The following BCL2L14 variants were observed in gnomAD, a reference collection of about 807,000 sequenced individuals.
BCL2L14 encodes BCL2 like 14.
Under a neutral mutation model 35.3 loss-of-function variants are expected in BCL2L14, and 27 were observed. That is an observed-to-expected ratio of 0.76 (90% CI 0.56 to 1.05). The LOEUF (loss-of-function observed/expected upper bound fraction) is 1.05. Ranked by LOEUF, BCL2L14 falls within the 50% of genes least tolerant of loss-of-function variation. BCL2L14 has a pLI of 0.00. For missense variants in BCL2L14, 377 were observed against 382.6 expected, an observed-to-expected ratio of 0.99 and a Z score of 0.12; for synonymous variants, 139 against 145.9, an observed-to-expected ratio of 0.95 and a Z score of 0.34.
At position 12,099,615 on chromosome 12, in the gene BCL2L14, C is replaced by T. The variant is rs1271837172; in HGVS notation, c.*627C>T. The T allele has an allele frequency of 6.6e-6, 1 of 152,234 alleles. No individual in the cohort carries two copies. Among genetic ancestry groups the T allele is most frequent in the African/African-American group, 2.4e-5 (1 of 41,450 alleles). The allele number at this position is 152,234 out of a possible 1,614,324, so 9.4% of individuals were successfully genotyped here. A position where few individuals can be genotyped will look rare whatever the true frequency, so the allele number is the denominator to read the frequency against. ...GGACCACACCTCTTCTTCCCAAGGT[C>T]CCTGGGACTTCCTCATTCTTTGTGG... On this transcript the variant is annotated 3_prime_UTR_variant, in exon 6 of 6. Coordinates refer to ENST00000308721, the MANE Select transcript of BCL2L14 (RefSeq NM_138723.2).
intron 4 of BCL2L14, among the ~76,000 whole-genome samples, chr12:12,092,301 T>C (rs1949206083): frequency 6.6e-6 from 1 of 152,256 alleles, no homozygotes; most frequent in Admixed American, 6.5e-5. Context: ...TCACTTTGCC[T>C]GGTGCTCTCT....
At chr12:12,092,360 T>C (rs1260143157) in intron 4 of BCL2L14, among the ~76,000 whole-genome samples, 1 of 152,246 alleles carries the variant, frequency 6.6e-6, no homozygotes, top group Non-Finnish European at 1.5e-5. Flanking sequence ...GCCTTGGTTG[T>C]TATTTCCTTT....
chr12:12,093,680 CT>C (rs1277194759), intron 4 of BCL2L14, among the ~76,000 whole-genome samples: 1 of 151,570 alleles, frequency 6.6e-6, no homozygotes, highest in Admixed American at 6.6e-5. Flanking sequence ...GTAATCCCAG[CT>C]ACTTGGGAGG....
At chr12:12,056,751 T>C (rs1183509493) in intron 2 of BCL2L14, among the ~76,000 whole-genome samples, 1 of 152,120 alleles carries the variant, frequency 6.6e-6, no homozygotes, top group Non-Finnish European at 1.5e-5. Context: ...GAAAATCGCT[T>C]AAACCTGGAA....
intron 2 of BCL2L14, among the ~76,000 whole-genome samples, chr12:12,061,427 G>C (rs1343231757): frequency 6.6e-6 from 1 of 152,034 alleles, no homozygotes. Context: ...TCACTCGCCT[G>C]CTACAGCATG....
At chr12:12,084,252 C>T (rs1212211025) in intron 2 of BCL2L14, among the ~76,000 whole-genome samples, 1 of 152,224 alleles carries the variant, frequency 6.6e-6, no homozygotes, top group Non-Finnish European at 1.5e-5. Flanking sequence ...AGCCACCGCA[C>T]CCAGCCTTAG....
upstream of BCL2L14, among the ~76,000 whole-genome samples, chr12:12,068,573 G>A (rs1304688187): frequency 6.6e-6 from 1 of 152,012 alleles, no homozygotes; most frequent in African/African-American, 2.4e-5. Context: ...ATGTTGTCTG[G>A]CTGGTGTTGA....
chr12:12,095,974 T>C, intron 5 of BCL2L14: 3 of 985,386 alleles, frequency 3.0e-6, no homozygotes, highest in Non-Finnish European at 3.6e-6. Flanking sequence ...CCTTAGCTTA[T>C]TCTAAAAGGA....
intron 1 of BCL2L14, among the ~76,000 whole-genome samples, chr12:12,072,941 C>T (rs757070875): frequency 2.6e-5 from 4 of 151,946 alleles, no homozygotes; most frequent in Admixed American, 6.6e-5. Flanking sequence ...GGCTGGAGTG[C>T]ACTGGCGCGA....
intron 1 of BCL2L14, chr12:12,072,273 C>T (rs10845469): frequency 0.3 from 45,250 of 152,046 alleles, 7,823 homozygotes; most frequent in Middle Eastern, 0.43. Context: ...CAAGTGAGTC[C>T]GCAGAGCGAG....
upstream of BCL2L14, among the ~76,000 whole-genome samples, chr12:12,066,005 G>A (rs752428751): frequency 1.2e-4 from 19 of 152,042 alleles, no homozygotes; most frequent in Non-Finnish European, 2.4e-4. Flanking sequence ...TGACCAGGCT[G>A]GTCTTGAACT....
intron 5 of BCL2L14, chr12:12,095,675 T>C: frequency 1.0e-6 from 1 of 985,376 alleles, no homozygotes; most frequent in Non-Finnish European, 1.2e-6. Flanking sequence ...TAGTTCTCTT[T>C]CCACTAGAAT....
At chr12:12,080,642 G>A (rs1045259532) in intron 2 of BCL2L14, among the ~76,000 whole-genome samples, 4 of 148,044 alleles carry the variant, frequency 2.7e-5, no homozygotes, top group Non-Finnish European at 6.0e-5. Context: ...AAAAAAGAAC[G>A]AGCCCTAACC....
chr12:12,087,510 C>G, intron 3 of BCL2L14, 124 bp downstream of exon 3: 2 of 1,103,474 alleles, frequency 1.8e-6, no homozygotes, highest in Non-Finnish European at 2.6e-6. Context: ...GCTTGACAGC[C>G]ACAGGCTGTG....
At chr12:12,056,555 C>A (rs1948435748) in intron 2 of BCL2L14, among the ~76,000 whole-genome samples, 1 of 152,206 alleles carries the variant, frequency 6.6e-6, no homozygotes, top group Non-Finnish European at 1.5e-5. Context: ...ATAGGCTGGG[C>A]ACGGTGGCTC....
At chr12:12,052,671 T>G (rs1948374711) in intron 2 of BCL2L14, among the ~76,000 whole-genome samples, 1 of 152,194 alleles carries the variant, frequency 6.6e-6, no homozygotes, top group Non-Finnish European at 1.5e-5. Context: ...TAAATCGTGT[T>G]GCAATGAACA....
At chr12:12,094,042 G>C (rs1666772365) in intron 4 of BCL2L14, among the ~76,000 whole-genome samples, 1 of 151,686 alleles carries the variant, frequency 6.6e-6, no homozygotes, top group Non-Finnish European at 1.5e-5. Context: ...AGGAGGCAGA[G>C]GTTGCAGTGA....
chr12:12,059,264 ACCCCAACCC>A (rs1295626092), intron 2 of BCL2L14, among the ~76,000 whole-genome samples: 1 of 151,662 alleles, frequency 6.6e-6, no homozygotes, highest in Non-Finnish European at 1.5e-5. Flanking sequence ...AGGGGCAAGT[ACCCCAACCC>A]CTTCTCTCCG....
At chr12:12,060,305 T>C (rs572019601) in intron 2 of BCL2L14, among the ~76,000 whole-genome samples, 704 of 67,954 alleles carry the variant, frequency 0.01, 3 homozygotes, top group East Asian at 0.013. Context: ...TTTAGGCTCT[T>C]TTTCATCAAA....
Sources: allele counts gnomAD v4.1 joint callset (sites outside exome capture counted in the v4.1 genomes callset), GRCh38; gene constraint gnomAD v4.1.1; transcripts MANE v1.5; gene names NCBI Gene and HGNC (gene_info 2026-07-23, HGNC 2026-07-21).